The following AKAP13 variants were observed in gnomAD, a reference collection of about 807,000 sequenced individuals.
AKAP13 encodes A-kinase anchoring protein 13, also known as A-kinase anchor protein 13.
Under a neutral mutation model 264.5 loss-of-function variants are expected in AKAP13, and 80 were observed. That is an observed-to-expected ratio of 0.30 (90% CI 0.25 to 0.36). AKAP13 has a LOEUF of 0.36. Among genes scored for constraint, AKAP13 ranks in the 10% least tolerant of loss-of-function variants. AKAP13 has a pLI of 1.00. For missense variants in AKAP13, 3,712 were observed against 3,435.2 expected (o/e 1.08, Z -2.01); for synonymous variants, 1,380 against 1,250.2 (o/e 1.10, Z -2.19).
chr15:85,646,047 G>A (rs557608223), intron 10 of AKAP13, 93 bp downstream of exon 10: 7 of 1,485,024 alleles, frequency 4.7e-6, no homozygotes, highest in South Asian at 1.3e-5. Context: ...TCCCCCTCTT[G>A]TGCTCTCCTG....
chr15:85,656,274 CTAAAT>C (rs754701745), intron 11 of AKAP13, among the ~76,000 whole-genome samples: 1 of 152,114 alleles, frequency 6.6e-6, no homozygotes, highest in African/African-American at 2.4e-5. Context: ...TTGATAAAGT[CTAAAT>C]TATCATTGTT....
intron 1 of AKAP13, among the ~76,000 whole-genome samples, chr15:85,463,580 C>T (rs555473025): frequency 1.3e-5 from 2 of 152,264 alleles, no homozygotes; most frequent in Admixed American, 6.5e-5. Flanking sequence ...TGGTTTCTTT[C>T]GGAGATCTGT....
intron 33 of AKAP13, 29 bp from the exon 34 acceptor site, chr15:85,740,193 C>T (rs373344241): frequency 1.4e-5 from 22 of 1,613,626 alleles, no homozygotes; most frequent in African/African-American, 1.1e-4. Flanking sequence ...AGCCCTGAAA[C>T]GAATGTTTCC....
intron 1 of AKAP13, chr15:85,415,481 T>G: frequency 6.4e-7 from 1 of 1,574,568 alleles, no homozygotes; most frequent in Non-Finnish European, 8.7e-7. Flanking sequence ...AAACTCAGAC[T>G]GTGTGCAACT....
intron 16 of AKAP13, among the ~76,000 whole-genome samples, chr15:85,692,497 A>ATGGTGGTGG (rs35316448): frequency 6.6e-6 from 1 of 151,046 alleles, no homozygotes; most frequent in Non-Finnish European, 1.5e-5. Flanking sequence ...GGTGGTGGTG[A>ATGGTGGTGG]TGGTGGTGGT....
intron 12 of AKAP13, 52 bp downstream of exon 12, chr15:85,658,642 C>G: frequency 6.7e-7 from 1 of 1,498,796 alleles, no homozygotes; most frequent in Non-Finnish European, 9.2e-7. Context: ...TGAGCATATA[C>G]TAACAAGCAT....
At position 85,646,387 on chromosome 15, in the gene AKAP13, A is replaced by C. The variant is rs529427962; in HGVS notation, c.4374+433A>C. On this transcript the variant is annotated intron_variant, in intron 10 of 36. Transcript: ENST00000394518. ...GGTTGCAGTGAGTCAAGTTCGCGCC[A>C]CTAAACTCTAGCCTGGGTGGCAGAG... Among the ~76,000 whole-genome samples, 6 of 152,300 alleles carry C rather than the reference A, an allele frequency of 3.9e-5. No individual in the cohort carries two copies. In the South Asian group the frequency reaches 1.2e-3, roughly 32 times the overall value.
intron 1 of AKAP13, among the ~76,000 whole-genome samples, chr15:85,441,431 C>T (rs1055142262): frequency 2.0e-5 from 3 of 151,812 alleles, no homozygotes; most frequent in African/African-American, 7.3e-5. Context: ...AATATTTTTT[C>T]CTAGTCTCTG....
At position 85,745,481 on chromosome 15, in the gene AKAP13, A is replaced by T. The variant is rs899068993; in HGVS notation, c.*804A>T. The stretch of plus-strand genomic sequence containing the variant: ...AGAAGAAATATCCTGGTTTTCCAGC[A>T]TGTTTACCCACATGTTTTGGCCATG... On this transcript the variant is annotated 3_prime_UTR_variant, in exon 37 of 37. Coordinates refer to ENST00000394518, the MANE Select transcript of AKAP13 (RefSeq NM_007200.5). The T allele has an allele frequency of 6.6e-6, 1 of 152,142 alleles. No homozygotes were observed. The highest frequency in any genetic ancestry group is 2.4e-5 in the African/African-American group (1 of 41,428). 9.4% of individuals were successfully genotyped at this position (152,142 alleles called of 1,614,324 possible). A position where few individuals can be genotyped will look rare whatever the true frequency, so the allele number is the denominator to read the frequency against.
chr15:85,552,489 T>G (rs1300713828), intron 5 of AKAP13, among the ~76,000 whole-genome samples: 2 of 152,242 alleles, frequency 1.3e-5, no homozygotes, highest in African/African-American at 4.8e-5. Context: ...AGGCGCAGTA[T>G]TCTTAAGTAT....
At chr15:85,706,362 A>G (rs141097682) in intron 17 of AKAP13, among the ~76,000 whole-genome samples, 1 of 152,326 alleles carries the variant, frequency 6.6e-6, no homozygotes, top group Non-Finnish European at 1.5e-5. Context: ...GTTTGCCTCG[A>G]CCACTTTGTT....
Position 85,684,858 on chromosome 15 carries a change from C to T in AKAP13, c.5274C>T (p.Ser1758=), listed in dbSNP as rs1567194226. 3 of 1,613,816 alleles carry T rather than the reference C, an allele frequency of 1.9e-6. No homozygotes were observed. Among genetic ancestry groups the T allele is most frequent in the Non-Finnish European group, 2.5e-6 (3 of 1,179,972 alleles). Residue 1758 remains serine (S), a synonymous_variant, in exon 16 of 37, where the codon AGC becomes AGT. Transcript: ENST00000394518. The part of the protein sequence containing the change: ...TFSYIKNKMS[S]SKKSKEKEKE... The stretch of plus-strand genomic sequence containing the variant: ...GCTACATCAAGAATAAAATGTCTAG[C>T]AGCAAGAAGAGCAAAGTGAGTATCA...
At chr15:85,672,503 C>G (rs1263498790) in intron 14 of AKAP13, among the ~76,000 whole-genome samples, 2 of 152,196 alleles carry the variant, frequency 1.3e-5, no homozygotes, top group Non-Finnish European at 2.9e-5. Context: ...GCTCCAGGCT[C>G]AAGTGTTCAA....
intron 18 of AKAP13, among the ~76,000 whole-genome samples, chr15:85,709,792 A>G (rs567114801): frequency 3.9e-5 from 6 of 152,092 alleles, no homozygotes; most frequent in East Asian, 3.9e-4. Flanking sequence ...GGTTCAAGCA[A>G]TTCTCTTGCC....
At chr15:85,700,480 C>G (rs1300187138) in intron 17 of AKAP13, among the ~76,000 whole-genome samples, 6 of 152,138 alleles carry the variant, frequency 3.9e-5, no homozygotes, top group Non-Finnish European at 8.8e-5. Flanking sequence ...CCAACGATGC[C>G]AGAGGTACCC....
chr15:85,655,669 G>A lies in AKAP13; in HGVS notation c.4627G>A (p.Glu1543Lys), dbSNP rs768995697. ...VEEEEMDSIT[E>K]VPANCSVLRS... ...GGAGGAGGAGATGGACAGTATCACT[G>A]AAGTGCCTGCAAACTGCTCTGTCCT... Residue 1543 changes from glutamate to lysine, a missense_variant, in exon 11 of 37, where the codon GAA becomes AAA. Physicochemically the swap from Glu to Lys is moderately conservative, Grantham distance 56. This residue lies in a region of AKAP13 where 2,759 missense variants were observed against 2,411.7 expected (regional missense o/e 1.14). Transcript: ENST00000394518. The A allele has an allele frequency of 1.2e-6, 2 of 1,614,220 alleles. No homozygotes were observed. The highest frequency in any genetic ancestry group is 2.2e-5 in the East Asian group (1 of 44,882).
intron 17 of AKAP13, 78 bp from the exon 18 acceptor site, chr15:85,707,941 C>T (rs894158780): frequency 1.4e-6 from 2 of 1,465,394 alleles, no homozygotes; most frequent in African/African-American, 2.8e-5. Context: ...TCAGAGGCCA[C>T]TTGTGGCAGC....
At chr15:85,569,818 G>T (rs959170773) in intron 5 of AKAP13, among the ~76,000 whole-genome samples, 2 of 151,196 alleles carry the variant, frequency 1.3e-5, no homozygotes, top group Admixed American at 1.3e-4. Context: ...TGGCTCACTC[G>T]TGTAATCCCA....
At chr15:85,615,130 A>G (rs544224362) in intron 8 of AKAP13, among the ~76,000 whole-genome samples, 2 of 152,246 alleles carry the variant, frequency 1.3e-5, no homozygotes, top group East Asian at 1.9e-4. Context: ...TTTTTCTTAT[A>G]TTGTTCCATA....
Sources: gnomAD v4.1 joint callset for allele counts (sites outside exome capture counted in the v4.1 genomes callset) on GRCh38, gnomAD v4.1.1 for gene constraint, gnomAD v4.1.1 regional missense constraint, MANE v1.5 for transcripts, NCBI Gene and HGNC (gene_info 2026-07-23, HGNC 2026-07-21) for gene names.